PBRM1: variants seen among roughly 807,000 people sequenced by gnomAD.
PBRM1 encodes polybromo 1.
PBRM1 carries 27 observed loss-of-function variants against 194.5 expected under a neutral mutation model. That is an observed-to-expected ratio of 0.14 (90% CI 0.10 to 0.19). The LOEUF is 0.19. Ranked by LOEUF, PBRM1 falls within the 10% of genes least tolerant of loss-of-function variation. The pLI is 1.00. For synonymous variants in PBRM1, 655 were observed against 693.2 expected (o/e 0.94, Z 0.87); for missense variants, 1,466 against 2,077.2 (o/e 0.71, Z 5.72).
intron 19 of PBRM1, among the ~76,000 whole-genome samples, chr3:52,587,027 C>T (rs957831660): frequency 6.6e-6 from 1 of 151,922 alleles, no homozygotes; most frequent in African/African-American, 2.4e-5. Context: ...CAGACAGACA[C>T]ACAAAAGCAC....
In PBRM1 at chr3:52,609,225, G is replaced by A; in HGVS notation, c.2567+88C>T. 2.9e-6 allele frequency: 3 copies of A among 1,028,372 alleles called. No individual in the cohort carries two copies. Among genetic ancestry groups the A allele is most frequent in the Non-Finnish European group, 4.3e-6 (3 of 692,044 alleles). The allele number at this position is 1,028,372 out of a possible 1,614,324, so 63.7% of individuals were successfully genotyped here. On this transcript the variant is annotated intron_variant, in intron 16 of 29. Coordinates refer to ENST00000296302, the Ensembl canonical transcript of PBRM1. The surrounding 1 kb of genome is among the most constrained non-coding windows in gnomAD (Gnocchi z 4.1). ...CCAACTACAAATCATGTATGTAAGT[G>A]GAAATAGTACATCAAAGCAATATTC...
intron 1 of PBRM1, 177 bp downstream of exon 1, chr3:52,685,572 G>A (rs1480665666): frequency 1.3e-5 from 2 of 150,988 alleles, no homozygotes; most frequent in Admixed American, 6.6e-5. Flanking sequence ...CAAGGCTACT[G>A]GGCCCATCCG....
intron 21 of PBRM1, among the ~76,000 whole-genome samples, chr3:52,578,803 A>T (rs879488016): frequency 9.2e-5 from 14 of 152,180 alleles, no homozygotes; most frequent in Non-Finnish European, 8.8e-5. Flanking sequence ...AATTTATGCT[A>T]AAGGAGTTTA....
At chr3:52,618,213 T>C (rs2095072521) in intron 13 of PBRM1, among the ~76,000 whole-genome samples, 1 of 152,222 alleles carries the variant, frequency 6.6e-6, no homozygotes, top group East Asian at 1.9e-4. Context: ...ATTTCCATCC[T>C]TGAGCATGAA....
chr3:52,676,486 G>A (rs1291789514), intron 2 of PBRM1, among the ~76,000 whole-genome samples: 1 of 152,126 alleles, frequency 6.6e-6, no homozygotes, highest in Non-Finnish European at 1.5e-5. Flanking sequence ...TGTAAGAAGT[G>A]CCTTTCACCT....
chr3:52,549,346 T>G (rs868155790), intron 29 of PBRM1, among the ~76,000 whole-genome samples: 13 of 152,100 alleles, frequency 8.5e-5, no homozygotes, highest in African/African-American at 2.9e-4. Context: ...TTAATTTTTT[T>G]GTAGAGACGG....
chr3:52,550,531 G>A (rs1242947239), exon 29 of PBRM1: 1 of 1,574,884 alleles, frequency 6.3e-7, no homozygotes, highest in Non-Finnish European at 8.6e-7. Context: ...TGGTGGGGGA[G>A]CTACAAACAT....
intron 22 of PBRM1, among the ~76,000 whole-genome samples, chr3:52,570,136 T>C (rs527986828): frequency 1.3e-5 from 2 of 152,232 alleles, no homozygotes; most frequent in South Asian, 2.1e-4. Flanking sequence ...CACGCCCACA[T>C]CAGCTAATTT....
intron 21 of PBRM1, among the ~76,000 whole-genome samples, chr3:52,577,643 C>CT (rs1312503553): frequency 6.6e-6 from 1 of 152,064 alleles, no homozygotes; most frequent in Non-Finnish European, 1.5e-5. Flanking sequence ...TCATCCTTGA[C>CT]TTTTTTATCT....
At chr3:52,579,637 A>G (rs1262010997) in intron 20 of PBRM1, among the ~76,000 whole-genome samples, 1 of 151,954 alleles carries the variant, frequency 6.6e-6, no homozygotes, top group South Asian at 2.1e-4. Context: ...AAAAAAACAT[A>G]AAGAGAAACT....
chr3:52,587,928 T>C (rs2092616850), intron 18 of PBRM1, among the ~76,000 whole-genome samples: 1 of 152,048 alleles, frequency 6.6e-6, no homozygotes, highest in Non-Finnish European at 1.5e-5. Context: ...CCTCTTGGGC[T>C]CAAGTGATCC....
chr3:52,675,708 G>A (rs982446311), intron 2 of PBRM1, among the ~76,000 whole-genome samples: 3 of 152,122 alleles, frequency 2.0e-5, no homozygotes, highest in Non-Finnish European at 2.9e-5. Context: ...GCCTAGAAAC[G>A]ACCCTCACAT....
intron 3 of PBRM1, among the ~76,000 whole-genome samples, chr3:52,667,240 A>T (rs1415318516): frequency 6.6e-6 from 1 of 152,230 alleles, no homozygotes; most frequent in Non-Finnish European, 1.5e-5. Context: ...ATCTTGGGCA[A>T]GAGGAATCTC....
intron 20 of PBRM1, among the ~76,000 whole-genome samples, chr3:52,581,513 A>G (rs1363589082): frequency 6.6e-6 from 1 of 152,120 alleles, no homozygotes; most frequent in Non-Finnish European, 1.5e-5. Flanking sequence ...AAAAAAAAAA[A>G]AAAGAATCAG....
At chr3:52,605,389 A>C (rs1012493414) in intron 16 of PBRM1, among the ~76,000 whole-genome samples, 2 of 152,122 alleles carry the variant, frequency 1.3e-5, no homozygotes, top group Non-Finnish European at 2.9e-5. Context: ...CCAGAGTCTA[A>C]AAACTTATTC....
intron 11 of PBRM1, among the ~76,000 whole-genome samples, chr3:52,633,771 A>G (rs1186382742): frequency 6.6e-6 from 1 of 152,132 alleles, no homozygotes; most frequent in Non-Finnish European, 1.5e-5. Context: ...GATGCTGAGC[A>G]CCTTTTCATG....
intron 15 of PBRM1, among the ~76,000 whole-genome samples, chr3:52,611,057 G>A (rs149565955): frequency 4.6e-5 from 7 of 152,166 alleles, no homozygotes; most frequent in East Asian, 1.9e-4. Flanking sequence ...TTAATAATAC[G>A]TACAAACAAA....
intron 22 of PBRM1, among the ~76,000 whole-genome samples, chr3:52,572,157 T>C (rs1156875983): frequency 1.3e-5 from 2 of 151,846 alleles, no homozygotes; most frequent in African/African-American, 2.4e-5. Context: ...CCTTTTGTTT[T>C]TCCTTTCAAA....
intron 27 of PBRM1, among the ~76,000 whole-genome samples, chr3:52,552,698 A>C (rs2081269953): frequency 6.6e-6 from 1 of 152,188 alleles, no homozygotes; most frequent in Admixed American, 6.5e-5. Context: ...TCTGCAACCT[A>C]GAGGGTACTG....
Sources: gnomAD v4.1 joint callset for allele counts (sites outside exome capture counted in the v4.1 genomes callset) on GRCh38, gnomAD v4.1.1 for gene constraint, Gnocchi (gnomAD v3.1) non-coding constraint, MANE v1.5 for transcripts, NCBI Gene and HGNC (gene_info 2026-07-23, HGNC 2026-07-21) for gene names.